Variants in CCDC85C observed in about 807,000 individuals in gnomAD.
The protein encoded by CCDC85C is coiled-coil domain-containing protein 85C.
A neutral mutation model predicts 38.3 loss-of-function variants in CCDC85C; 18 were observed. That is an observed-to-expected ratio of 0.47 (90% CI 0.33 to 0.70). The LOEUF (loss-of-function observed/expected upper bound fraction) is 0.70. CCDC85C is among the 30% of genes least tolerant of loss of function. The pLI, the probability that CCDC85C is intolerant of heterozygous loss-of-function variation, is 0.03. For missense variants in CCDC85C, 566 were observed against 621.2 expected (o/e 0.91, Z 0.94); for synonymous variants, 264 against 293.8 (o/e 0.90, Z 1.04).
chr14:99,516,415 G>A lies in CCDC85C; in HGVS notation c.1072-129C>T. ...GAGGACCCTGAGCCGCTGGGCCCCT[G>A]GGGACAAGCGTGGAAAAAACTGAGG... is the stretch of plus-strand genomic sequence containing the variant. On this transcript the variant is annotated intron_variant, in intron 4 of 5. Coordinates refer to ENST00000380243, the MANE Select transcript of CCDC85C (RefSeq NM_001144995.2). This position sits in a 1 kb window ranked among gnomAD's most constrained non-coding sequence, Gnocchi z 5.5. 4.5e-6 allele frequency: 3 copies of A among 661,418 alleles called. No individual in the cohort carries two copies. Among genetic ancestry groups the A allele is most frequent in the Non-Finnish European group, 7.9e-6 (3 of 380,508 alleles). The allele number at this position is 661,418 out of a possible 1,614,324, so 41.0% of individuals were successfully genotyped here.
At chr14:99,562,836 T>A (rs1228694792) in intron 1 of CCDC85C, among the ~76,000 whole-genome samples, 1 of 151,896 alleles carries the variant, frequency 6.6e-6, no homozygotes, top group East Asian at 1.9e-4. Flanking sequence ...CACAAGTGCA[T>A]ATTCACACAC....
At chr14:99,561,017 C>G (rs999510961) in intron 1 of CCDC85C, among the ~76,000 whole-genome samples, 8 of 152,182 alleles carry the variant, frequency 5.3e-5, no homozygotes, top group Admixed American at 4.6e-4. Context: ...CCCCTGCCTC[C>G]CTCAGTCTCC....
intron 1 of CCDC85C, among the ~76,000 whole-genome samples, chr14:99,597,513 C>T (rs1282085304): frequency 6.6e-6 from 1 of 152,192 alleles, no homozygotes; most frequent in Non-Finnish European, 1.5e-5. Context: ...TCCACGCAAC[C>T]TCCCCTGACA....
chr14:99,522,196 C>T lies in CCDC85C; in HGVS notation c.912G>A (p.Ser304=), dbSNP rs1897312321. The T allele has an allele frequency of 1.9e-6, 3 of 1,550,744 alleles. No homozygotes were observed. The highest frequency in any genetic ancestry group is 2.6e-6 in the Non-Finnish European group (3 of 1,146,902). ...GEFRTLRKGF[S]PYHSESQLAS... is the part of the protein sequence containing the mutation. ...CAAGCTGGGACTCCGAGTGGTAGGG[C>T]GAGAAGCCTTTCCGCAGCGTGCGGA... The change falls in exon 3 of 6, where the codon TCG becomes TCA. Residue 304 remains serine, a synonymous_variant. Transcript: ENST00000380243.
chr14:99,534,965 G>A lies in CCDC85C; in HGVS notation c.867+1050C>T, dbSNP rs542515525. On this transcript the variant is annotated intron_variant, in intron 2 of 5. Transcript: ENST00000380243. ...GTTCACAAGAGGCCAAATGAGGAAC[G>A]TGCACTCTGCTAATCCCACCAGGCC... is the stretch of plus-strand genomic sequence containing the variant. 471 of 527,106 alleles carry A rather than the reference G, an allele frequency of 8.9e-4. 1 individual carries two copies. The highest frequency in any genetic ancestry group is 8.5e-3 in the African/African-American group (439 of 51,808). 32.7% of individuals were successfully genotyped at this position (527,106 alleles called of 1,614,324 possible).
intron 1 of CCDC85C, among the ~76,000 whole-genome samples, chr14:99,546,659 G>T (rs566681537): frequency 4.6e-5 from 7 of 152,274 alleles, no homozygotes; most frequent in African/African-American, 1.7e-4. Flanking sequence ...GACTCTACAG[G>T]AAAGATAACA....
intron 1 of CCDC85C, among the ~76,000 whole-genome samples, chr14:99,541,337 C>T (rs1243734828): frequency 6.6e-6 from 1 of 152,248 alleles, no homozygotes; most frequent in Non-Finnish European, 1.5e-5. Flanking sequence ...CAAGGAGCTG[C>T]CGAGGCTACA....
At position 99,501,530 on chromosome 14, in the gene CCDC85C, A is replaced by G; in HGVS notation, c.*13716T>C. ...GAAGAAACTGACTTGCCCTGGCTTG[A>G]GGAGCCAGTTAATGGCAAAGCTGGG... On this transcript the variant is annotated 3_prime_UTR_variant, in exon 6 of 6. Coordinates refer to ENST00000380243, the MANE Select transcript of CCDC85C (RefSeq NM_001144995.2). 1.4e-6 allele frequency: 1 copy of G among 725,346 alleles called. No individual in the cohort carries two copies. Among genetic ancestry groups the G allele is most frequent in the Non-Finnish European group, 2.3e-6 (1 of 430,308 alleles). The allele number at this position is 725,346 out of a possible 1,614,324, so 44.9% of individuals were successfully genotyped here. A position where few individuals can be genotyped will look rare whatever the true frequency, so the allele number is the denominator to read the frequency against.
At position 99,533,723 on chromosome 14, in the gene CCDC85C, G is replaced by A. The variant is rs116389637; in HGVS notation, c.867+2292C>T. Among the ~76,000 whole-genome samples, 323 of 152,300 alleles carry A rather than the reference G, an allele frequency of 2.1e-3. No homozygotes were observed. The highest frequency in any genetic ancestry group is 7.4e-3 in the African/African-American group (309 of 41,586). On this transcript the variant is annotated intron_variant, in intron 2 of 5. Transcript: ENST00000380243. The surrounding 1 kb of genome is among the most constrained non-coding windows in gnomAD (Gnocchi z 4.2). ...GGCCTGGGGAGGAAGAGGTCCCTGG[G>A]CAGAGCCAGCCCGTCCATCCTTGAG...
intron 1 of CCDC85C, among the ~76,000 whole-genome samples, chr14:99,557,956 G>A (rs2139945464): frequency 6.6e-6 from 1 of 152,224 alleles, no homozygotes; most frequent in Admixed American, 6.5e-5. Context: ...CACTATTTTA[G>A]TCCGCACCCT....
At chr14:99,546,420 C>A (rs1047400285) in intron 1 of CCDC85C, among the ~76,000 whole-genome samples, 1 of 151,980 alleles carries the variant, frequency 6.6e-6, no homozygotes, top group Non-Finnish European at 1.5e-5. Flanking sequence ...ACAGCCAGCA[C>A]TGGGAGAGCG....
chr14:99,516,205 C>T lies in CCDC85C; in HGVS notation c.1153G>A (p.Val385Ile), dbSNP rs1477754859. 6.4e-6 allele frequency: 10 copies of T among 1,551,156 alleles called. No homozygotes were observed. The highest frequency in any genetic ancestry group is 4.1e-5 in the African/African-American group (3 of 73,024). ...AGCCTCACGTTGCACATCTCGCGAA[C>T]GATGGCCTTCTCCTTCTCACTCAGG... is the stretch of plus-strand genomic sequence containing the variant. ...EDLSEKEKAI[V>I]REMCNVVWRK... Residue 385 changes from valine to isoleucine, a missense_variant, in exon 5 of 6, where the codon GTT becomes ATT. By Grantham distance (29) the Val-to-Ile change is conservative. This residue lies in a region of CCDC85C where 286 missense variants were observed against 276.4 expected (regional missense o/e 1.03). Coordinates refer to ENST00000380243, the MANE Select transcript of CCDC85C (RefSeq NM_001144995.2). The surrounding 1 kb of genome is among the most constrained non-coding windows in gnomAD (Gnocchi z 5.5).
At position 99,588,171 on chromosome 14, in the gene CCDC85C, C is replaced by G. The variant is rs543465451; in HGVS notation, c.793+14996G>C. On this transcript the variant is annotated intron_variant, in intron 1 of 5. Coordinates refer to ENST00000380243, the MANE Select transcript of CCDC85C (RefSeq NM_001144995.2). The surrounding 1 kb of genome is among the most constrained non-coding windows in gnomAD (Gnocchi z 5.0). ...GGGGCAGGTCTGGGGAGACAAGCATCTCAGCCGAACACAACAGTCACCCTG... is the reference window on the plus strand; with the variant it reads ...GGGGCAGGTCTGGGGAGACAAGCATGTCAGCCGAACACAACAGTCACCCTG... 3.3e-5 allele frequency among the ~76,000 whole-genome samples: 5 copies of G among 152,284 alleles called. No homozygotes were observed. The South Asian group carries it at 8.3e-4, about 25-fold the overall frequency.
intron 1 of CCDC85C, among the ~76,000 whole-genome samples, chr14:99,587,932 G>A (rs2055044726): frequency 6.6e-6 from 1 of 152,178 alleles, no homozygotes; most frequent in Admixed American, 6.5e-5. Flanking sequence ...CTGCCCTCCT[G>A]GCCAGCTTCT....
intron 1 of CCDC85C, among the ~76,000 whole-genome samples, chr14:99,599,797 CCCAGGAGGTTGAGGTTG>C (rs2055180508): frequency 6.6e-6 from 1 of 152,178 alleles, no homozygotes; most frequent in Admixed American, 6.5e-5. Flanking sequence ...ATTACTTGAG[CCCAGGAGGTTGAGGTTG>C]CCGCGAGCCA....
rs543724787 is a variant in CCDC85C, at chr14:99,564,705, T to A, written c.794-28617A>T. 7.9e-5 allele frequency among the ~76,000 whole-genome samples: 12 copies of A among 152,320 alleles called. No individual in the cohort carries two copies. The East Asian group carries it at 2.1e-3, about 27-fold the overall frequency. On this transcript the variant is annotated intron_variant, in intron 1 of 5. Coordinates refer to ENST00000380243, the MANE Select transcript of CCDC85C (RefSeq NM_001144995.2). ...GGCAATCAGGAGGCTGAGACAGTAC[T>A]GGCTGCTGGTTCGTCCAGGCCCATC...
chr14:99,536,796 C>A (rs1180651166), intron 1 of CCDC85C, among the ~76,000 whole-genome samples: 1 of 152,144 alleles, frequency 6.6e-6, no homozygotes, highest in East Asian at 1.9e-4. Context: ...TGAAATTCAC[C>A]CACCCTCACC....
intron 1 of CCDC85C, among the ~76,000 whole-genome samples, chr14:99,551,692 AGTGTGCAGGTGG>A (rs1345733723): frequency 7.4e-6 from 1 of 134,524 alleles, no homozygotes; most frequent in East Asian, 2.2e-4. Context: ...GTGAGAGGTG[AGTGTGCAGGTGG>A]GTGAGCAGGT....
chr14:99,591,467 C>T (rs1385880064), intron 1 of CCDC85C, among the ~76,000 whole-genome samples: 2 of 152,128 alleles, frequency 1.3e-5, no homozygotes, highest in African/African-American at 4.8e-5. Context: ...ATGCTGAGTG[C>T]GCGAGGGCTG....
Sources: allele counts gnomAD v4.1 joint callset (sites outside exome capture counted in the v4.1 genomes callset), GRCh38; gene constraint gnomAD v4.1.1; regional missense constraint gnomAD v4.1.1; non-coding constraint Gnocchi (gnomAD v3.1); transcripts MANE v1.5; gene names NCBI Gene and HGNC (gene_info 2026-07-23, HGNC 2026-07-21).